Variants in PLPPR5 observed in about 807,000 individuals in gnomAD.
PLPPR5 encodes phospholipid phosphatase related 5, also known as phospholipid phosphatase-related protein type 5.
Under a neutral mutation model 33.9 loss-of-function variants are expected in PLPPR5, and 16 were observed. That is an observed-to-expected ratio of 0.47 (90% confidence interval 0.32 to 0.72). The LOEUF is 0.72. Ranked by LOEUF, PLPPR5 falls within the 30% of genes least tolerant of loss-of-function variation. The pLI, the probability that PLPPR5 is intolerant of heterozygous loss-of-function variation, is 0.03. For missense variants in PLPPR5, 301 were observed against 406.7 expected (o/e 0.74, Z 2.23); for synonymous variants, 163 against 150.3 (o/e 1.08, Z -0.62).
chr1:98,975,116 G>T (rs1439905737), intron 1 of PLPPR5, among the ~76,000 whole-genome samples: 1 of 152,014 alleles, frequency 6.6e-6, no homozygotes, highest in South Asian at 2.1e-4. Flanking sequence ...ATCATGTTCT[G>T]TTGCAGGACC....
chr1:98,924,685 A>G (rs757615774), intron 3 of PLPPR5, among the ~76,000 whole-genome samples: 1 of 152,146 alleles, frequency 6.6e-6, no homozygotes, highest in Non-Finnish European at 1.5e-5. Flanking sequence ...CCATAGTAAA[A>G]TGTGGGCTTG....
rs60843673 is a variant in PLPPR5 at position 98,941,555 on chromosome 1, ATT to A, written c.621+11513_621+11514del. On this transcript the variant is annotated intron_variant, in intron 3 of 5. Transcript: ENST00000263177. ...CGGAATTTATTTGTGTGGTTGTGGGATTTTTTTTTTTTTGATAGTGGAAGTTT... is the reference window on the plus strand; with the variant it reads ...CGGAATTTATTTGTGTGGTTGTGGGATTTTTTTTTTTGATAGTGGAAGTTT... Among the ~76,000 whole-genome samples the A allele has an allele frequency of 1.6e-3, 238 of 147,994 alleles. 3 individuals are homozygous for A. Among genetic ancestry groups the A allele is most frequent in the South Asian group, 3.9e-3 (18 of 4,672 alleles).
chr1:99,004,359 T>C, intron 1 of PLPPR5, 76 bp downstream of exon 1: 1 of 1,304,762 alleles, frequency 7.7e-7, no homozygotes, highest in Non-Finnish European at 1.0e-6. Context: ...GCCCCAACCC[T>C]TAGAGGGGCC....
At chr1:98,974,966 C>G (rs1651793044) in intron 1 of PLPPR5, among the ~76,000 whole-genome samples, 2 of 152,006 alleles carry the variant, frequency 1.3e-5, no homozygotes, top group Admixed American at 1.3e-4. Context: ...GCACTGTTCT[C>G]TTACTTAGCA....
At chr1:98,911,171 C>T (rs977778388) in intron 5 of PLPPR5, among the ~76,000 whole-genome samples, 4 of 152,136 alleles carry the variant, frequency 2.6e-5, no homozygotes, top group Non-Finnish European at 1.5e-5. Flanking sequence ...GGGGACAGAA[C>T]TTGCACTGTG....
intron 5 of PLPPR5, among the ~76,000 whole-genome samples, chr1:98,902,718 C>T (rs1038522182): frequency 1.3e-5 from 2 of 152,090 alleles, no homozygotes; most frequent in African/African-American, 2.4e-5. Context: ...GGTTCCCATC[C>T]ATGTGTAACT....
intron 3 of PLPPR5, among the ~76,000 whole-genome samples, chr1:98,931,766 A>C (rs189999268): frequency 2.6e-5 from 4 of 152,274 alleles, no homozygotes; most frequent in Admixed American, 2.6e-4. Context: ...AGGTTCAAAA[A>C]GCTTTGTGTG....
chr1:98,906,322 A>C (rs60591961), intron 5 of PLPPR5, among the ~76,000 whole-genome samples: 29,544 of 151,118 alleles, frequency 0.2, 3,114 homozygotes, highest in African/African-American at 0.22. Flanking sequence ...ATAACAACCC[A>C]AAAGGCTCAG....
chr1:98,940,526 A>T (rs935831278), intron 3 of PLPPR5, among the ~76,000 whole-genome samples: 4 of 151,918 alleles, frequency 2.6e-5, no homozygotes, highest in African/African-American at 9.7e-5. Context: ...CTTGTATAGC[A>T]CACGTAGGAG....
At chr1:98,938,635 C>CTCACA (rs1489080372) in intron 3 of PLPPR5, among the ~76,000 whole-genome samples, 8 of 151,456 alleles carry the variant, frequency 5.3e-5, no homozygotes, top group Non-Finnish European at 1.2e-4. Context: ...TGTACCACTA[C>CTCACA]TCACAATAGC....
intron 5 of PLPPR5, among the ~76,000 whole-genome samples, chr1:98,899,828 GT>G (rs1233692235): frequency 6.6e-6 from 1 of 151,688 alleles, no homozygotes; most frequent in Non-Finnish European, 1.5e-5. Flanking sequence ...CCAGCTAATT[GT>G]TTGTTTCACT....
At chr1:98,989,484 G>C (rs1185122328) in intron 1 of PLPPR5, among the ~76,000 whole-genome samples, 1 of 152,130 alleles carries the variant, frequency 6.6e-6, no homozygotes, top group African/African-American at 2.4e-5. Flanking sequence ...CAGAATAACA[G>C]TAACAGAGTT....
chr1:98,946,748 C>A (rs970309723), intron 3 of PLPPR5, among the ~76,000 whole-genome samples: 1 of 152,158 alleles, frequency 6.6e-6, no homozygotes, highest in South Asian at 2.1e-4. Context: ...AGACCCCCTA[C>A]TCAGGGCAGA....
At chr1:98,950,355 A>G (rs309081) in intron 3 of PLPPR5, among the ~76,000 whole-genome samples, 31,299 of 152,154 alleles carry the variant, frequency 0.21, 3,439 homozygotes, top group African/African-American at 0.27. Context: ...AAGTGAAGCA[A>G]TTGGTGCCTG....
intron 5 of PLPPR5, among the ~76,000 whole-genome samples, chr1:98,910,271 T>C (rs1649071655): frequency 6.6e-6 from 1 of 152,218 alleles, no homozygotes; most frequent in African/African-American, 2.4e-5. Flanking sequence ...TAACGTCTAA[T>C]GTCACTCTCC....
At chr1:98,895,360 C>A (rs1648434149) in intron 5 of PLPPR5, among the ~76,000 whole-genome samples, 1 of 152,010 alleles carries the variant, frequency 6.6e-6, no homozygotes, top group Non-Finnish European at 1.5e-5. Context: ...CCTCCAGAAT[C>A]CTGAGCCAAT....
At chr1:98,968,472 G>T (rs1481696634) in intron 1 of PLPPR5, among the ~76,000 whole-genome samples, 1 of 152,018 alleles carries the variant, frequency 6.6e-6, no homozygotes, top group Non-Finnish European at 1.5e-5. Context: ...AGATGATGGA[G>T]ATTTTAGAAA....
intron 4 of PLPPR5, among the ~76,000 whole-genome samples, chr1:98,921,008 A>T (rs1271247093): frequency 6.6e-6 from 1 of 152,164 alleles, no homozygotes; most frequent in Non-Finnish European, 1.5e-5. Flanking sequence ...CTTATACTAT[A>T]CTTTAAGAGT....
intron 1 of PLPPR5, chr1:98,991,044 T>C (rs966654096): frequency 1.3e-5 from 2 of 152,170 alleles, no homozygotes; most frequent in Non-Finnish European, 2.9e-5. Context: ...TAATTAACTA[T>C]AATGCACAAC....
Sources: gnomAD v4.1 joint callset for allele counts (sites outside exome capture counted in the v4.1 genomes callset) on GRCh38, gnomAD v4.1.1 for gene constraint, MANE v1.5 for transcripts, NCBI Gene and HGNC (gene_info 2026-07-23, HGNC 2026-07-21) for gene names.